ENG: variants seen among roughly 807,000 people sequenced by gnomAD.
ENG encodes the protein endoglin, also known as CD105 antigen.
ENG carries 17 observed loss-of-function variants against 71.0 expected under a neutral mutation model. The observed-to-expected ratio is 0.24, with a 90% CI of 0.16 to 0.36. The LOEUF (loss-of-function observed/expected upper bound fraction) is 0.36, where lower values mean the gene tolerates loss of function less well. Among genes scored for constraint, ENG ranks in the 10% least tolerant of loss-of-function variants. ENG has a pLI of 1.00. For missense variants in ENG, 749 were observed against 868.3 expected (o/e 0.86, Z 1.73); for synonymous variants, 360 against 366.9 (o/e 0.98, Z 0.21).
intron 2 of ENG, among the ~76,000 whole-genome samples, chr9:127,841,765 G>A (rs1396805613): frequency 1.3e-5 from 2 of 152,232 alleles, no homozygotes; most frequent in Non-Finnish European, 2.9e-5. Flanking sequence ...GTAATCTCCA[G>A]TCCAACAGGC....
rs557458084 is a variant in ENG, at chr9:127,816,211, A to C, written c.1742-158T>G. On this transcript the variant is annotated intron_variant, in intron 13 of 14. Transcript: ENST00000373203. ...TCCTCTTGCAGCAAACGGGCTCATC[A>C]CAGCCAGGCCTGGCATTGAGCCATG... 6.4e-6 allele frequency: 6 copies of C among 937,002 alleles called. No individual in the cohort carries two copies. The African/African-American group carries it at 9.7e-5, about 15-fold the overall frequency. 58.0% of individuals were successfully genotyped at this position (937,002 alleles called of 1,614,324 possible). A position where few individuals can be genotyped will look rare whatever the true frequency, so the allele number is the denominator to read the frequency against.
rs1320017394 is a variant in ENG, at chr9:127,854,563, T to C, written c.-208A>G. ...GGACGCGGGGCTGGGCTGGAGTTGC[T>C]GTCCGAAGGATGGGCGGGGAGGGGG... On this transcript the variant is annotated 5_prime_UTR_variant, in exon 1 of 15. Transcript: ENST00000373203. The C allele has an allele frequency of 3.5e-6, 2 of 576,850 alleles. No homozygotes were observed. Among genetic ancestry groups the C allele is most frequent in the Non-Finnish European group, 6.1e-6 (2 of 327,382 alleles). The allele number at this position is 576,850 out of a possible 1,614,324, so 35.7% of individuals were successfully genotyped here. A position where few individuals can be genotyped will look rare whatever the true frequency, so the allele number is the denominator to read the frequency against.
At chr9:127,852,020 G>C (rs1223365474) in intron 1 of ENG, among the ~76,000 whole-genome samples, 1 of 152,156 alleles carries the variant, frequency 6.6e-6, no homozygotes, top group Non-Finnish European at 1.5e-5. Flanking sequence ...TTGCCAAAAT[G>C]GAATTATTGT....
chr9:127,827,374 A>AT (rs1830643786), intron 3 of ENG, among the ~76,000 whole-genome samples: 1 of 152,254 alleles, frequency 6.6e-6, no homozygotes, highest in East Asian at 1.9e-4. Flanking sequence ...AGCCAGACAG[A>AT]TCTCCTGGTT....
intron 2 of ENG, among the ~76,000 whole-genome samples, chr9:127,833,476 C>T (rs1830817443): frequency 1.4e-5 from 2 of 140,046 alleles, no homozygotes; most frequent in Admixed American, 7.9e-5. Context: ...GAGCCAAGAT[C>T]GCGCCATTGA....
chr9:127,851,607 A>T (rs891255648), intron 1 of ENG, among the ~76,000 whole-genome samples: 1 of 151,842 alleles, frequency 6.6e-6, no homozygotes, highest in Non-Finnish European at 1.5e-5. Flanking sequence ...CCAGCCAGGC[A>T]TGGTGGCTCA....
chr9:127,824,550 GCT>G, intron 7 of ENG, 104 bp from the exon 8 acceptor site: 1 of 1,120,768 alleles, frequency 8.9e-7, no homozygotes, highest in South Asian at 1.6e-5. Context: ...ACGGAGTTTT[GCT>G]CTGTTACCCG....
intron 11 of ENG, 25 bp from the exon 12 acceptor site, chr9:127,818,402 G>A (rs373407889): frequency 1.8e-5 from 29 of 1,611,106 alleles, no homozygotes; most frequent in East Asian, 4.5e-5. Flanking sequence ...AGGGCCACGC[G>A]GCATGGGCAG....
At chr9:127,824,545 G>A in intron 7 of ENG, 99 bp from the exon 8 acceptor site, 1 of 1,328,566 alleles carries the variant, frequency 7.5e-7, no homozygotes, top group Non-Finnish European at 9.9e-7. Context: ...TTGAGACGGA[G>A]TTTTGCTCTG....
intron 6 of ENG, 114 bp from the exon 7 acceptor site, chr9:127,825,088 C>T (rs987227045): frequency 2.5e-6 from 4 of 1,588,902 alleles, no homozygotes; most frequent in Non-Finnish European, 3.4e-6. Flanking sequence ...CCTGCTGCGT[C>T]TTCTGCCTGG....
Position 127,854,651 on chromosome 9 carries a change from T to A in ENG, c.-296A>T, listed in dbSNP as rs1469204229. ...CTGGCCCCAGGGCGCAGATGAAGGC[T>A]GTGGTATGACCGGCAGCAGGGAGCT... On this transcript the variant is annotated 5_prime_UTR_variant, in exon 1 of 15. Transcript: ENST00000373203. 2.1e-6 allele frequency: 1 copy of A among 486,532 alleles called. No homozygotes were observed. The highest frequency in any genetic ancestry group is 3.6e-6 in the Non-Finnish European group (1 of 276,650). 30.1% of individuals were successfully genotyped at this position (486,532 alleles called of 1,614,324 possible).
At chr9:127,821,258 C>T (rs1830460199) in intron 8 of ENG, 1 of 151,862 alleles carries the variant, frequency 6.6e-6, no homozygotes, top group Non-Finnish European at 1.5e-5. Context: ...ATAGTGAAAC[C>T]CGACTCTACT....
At chr9:127,835,100 G>C (rs1186296327) in intron 2 of ENG, among the ~76,000 whole-genome samples, 1 of 152,046 alleles carries the variant, frequency 6.6e-6, no homozygotes, top group African/African-American at 2.4e-5. Flanking sequence ...TCAGGCTCAA[G>C]TGATCCTCCC....
rs1831082840 is a variant in ENG, at chr9:127,843,185, G to A, written c.128C>T (p.Thr43Ile). 1.9e-6 allele frequency: 3 copies of A among 1,614,240 alleles called. No individual in the cohort carries two copies. The East Asian group carries it at 6.7e-5, about 36-fold the overall frequency. Residue 43 changes from threonine to isoleucine, a missense_variant, in exon 2 of 15, where the codon ACA (threonine) becomes ATA (isoleucine). By Grantham distance (89) the Thr-to-Ile change is moderately conservative. Transcript: ENST00000373203. ...CTTCGAGACCTGGCTAGTGGTATAT[G>A]TCACCTCGCCCCTCTCGGGGCCCAC... The part of the protein sequence containing the change: ...QPVGPERGEV[T>I]YTTSQVSKGC...
intron 2 of ENG, among the ~76,000 whole-genome samples, chr9:127,835,361 G>C (rs944402014): frequency 6.6e-6 from 1 of 152,082 alleles, no homozygotes; most frequent in Non-Finnish European, 1.5e-5. Flanking sequence ...TGCATTCCCT[G>C]GACCATGTCC....
At chr9:127,819,473 G>T in intron 10 of ENG, 149 bp downstream of exon 10, 3 of 1,011,610 alleles carry the variant, frequency 3.0e-6, no homozygotes, top group South Asian at 2.8e-5. Context: ...GTCCTGCTCC[G>T]GTCATACAGA....
At chr9:127,843,052 C>T (rs1400765792) in intron 2 of ENG, 42 bp downstream of exon 2, 2 of 1,613,022 alleles carry the variant, frequency 1.2e-6, no homozygotes, top group South Asian at 2.2e-5. Context: ...TGCCTTGGAG[C>T]TTCCTCTGAG....
At position 127,818,395 on chromosome 9, in the gene ENG, G is replaced by A; in HGVS notation, c.1429-18C>T. 1.2e-6 allele frequency: 2 copies of A among 1,612,212 alleles called. No individual in the cohort carries two copies. The highest frequency in any genetic ancestry group is 1.7e-6 in the Non-Finnish European group (2 of 1,179,956). ...ACTCTGACCTGCATGGGTAGGTAGG[G>A]CCACGCGGCATGGGCAGCTGCTCTT... On this transcript the variant is annotated intron_variant, in intron 11 of 14. Transcript: ENST00000373203.
At chr9:127,831,370 C>T (rs554677988) in intron 2 of ENG, among the ~76,000 whole-genome samples, 1 of 150,788 alleles carries the variant, frequency 6.6e-6, no homozygotes, top group African/African-American at 2.4e-5. Context: ...CCATGTTGGC[C>T]AGGTTGGCTT....
Sources: allele counts gnomAD v4.1 joint callset (sites outside exome capture counted in the v4.1 genomes callset), GRCh38; gene constraint gnomAD v4.1.1; transcripts MANE v1.5; gene names NCBI Gene and HGNC (gene_info 2026-07-23, HGNC 2026-07-21).